Variants in USH2A observed in about 807,000 individuals in gnomAD.
The protein encoded by USH2A is usherin, also known as Usher syndrome 2A (autosomal recessive, mild).
In USH2A, 443 loss-of-function variants were observed where a neutral mutation model predicts 538.9. The ratio of observed to expected loss-of-function variants is 0.82; its 90% confidence interval spans 0.76 to 0.89. The LOEUF (loss-of-function observed/expected upper bound fraction) is 0.89. USH2A is among the 40% of genes least tolerant of loss of function. The probability of loss-of-function intolerance (pLI) is 0.00; values close to 1 mark genes in which losing one functional copy is unlikely to be tolerated. For missense variants in USH2A, 6,633 were observed against 6,324.8 expected (o/e 1.05, Z -1.65); for synonymous variants, 2,413 against 2,273.5 (o/e 1.06, Z -1.75).
intron 47 of USH2A, among the ~76,000 whole-genome samples, chr1:215,821,873 A>G (rs901767273): frequency 6.6e-6 from 1 of 151,810 alleles, no homozygotes; most frequent in African/African-American, 2.4e-5. Context: ...GCCATTTATT[A>G]AAAAGACTGT....
At chr1:216,216,991 C>CA (rs879754872) in intron 15 of USH2A, among the ~76,000 whole-genome samples, 90 of 150,004 alleles carry the variant, frequency 6.0e-4, no homozygotes, top group African/African-American at 1.7e-3. Context: ...CTTTATTTGT[C>CA]AAAAAAAAAT....
At chr1:215,965,034 G>GACT (rs1394622729) in intron 37 of USH2A, among the ~76,000 whole-genome samples, 1 of 152,112 alleles carries the variant, frequency 6.6e-6, no homozygotes, top group Non-Finnish European at 1.5e-5. Flanking sequence ...CTTAAACACA[G>GACT]ACTGTTAGAC....
Position 215,867,129 on chromosome 1 carries a change from A to G in USH2A, c.8723T>C (p.Val2908Ala), listed in dbSNP as rs746959686. 1 of 1,614,152 alleles carries G rather than the reference A, an allele frequency of 6.2e-7. No individual in the cohort carries two copies. The highest frequency in any genetic ancestry group is 8.5e-7 in the Non-Finnish European group (1 of 1,180,002). Residue 2908 changes from valine to alanine, a missense_variant, in exon 44 of 72, where the codon GTG becomes GCG. Physicochemically the swap from Val to Ala is moderately conservative, Grantham distance 64. Transcript: ENST00000307340. ...CACTTCTCGGCTCGGTGTAAAACCCACACTGTTGTGTACGAAGAGCATATA... is the reference window on the plus strand; with the variant it reads ...CACTTCTCGGCTCGGTGTAAAACCCGCACTGTTGTGTACGAAGAGCATATA... Reference protein sequence around the residue: ...YEYMLFVHNSVGFTPSREVTV... With the variant: ...YEYMLFVHNSAGFTPSREVTV...
Position 216,422,172 on chromosome 1 carries a change from T to C in USH2A, c.165A>G (p.Gln55=). The change falls in exon 2 of 72, where the codon CAA becomes CAG. Residue 55 remains glutamine, a synonymous_variant. Transcript: ENST00000307340. ...TTCGGTCTGGGAGTCCACATACTGC[T>C]TGGGTTGGCACGATGGAAACTTTCT... The part of the protein sequence containing the change: ...AFKKVSIVPT[Q]AVCGLPDRST... The C allele has an allele frequency of 1.2e-6, 2 of 1,613,550 alleles. No individual in the cohort carries two copies. Among genetic ancestry groups the C allele is most frequent in the Non-Finnish European group, 1.7e-6 (2 of 1,179,714 alleles).
Position 215,674,982 on chromosome 1 carries a change from C to A in USH2A, c.12929G>T (p.Ser4310Ile). ...LQRNEMLYPF[S>I]FDPVTFNYTD... ...GTAATTGAAAGTCACAGGATCAAAG[C>A]TAAAAGGATAGAGCATTTCATTCCT... Residue 4310 changes from serine (S) to isoleucine (I), a missense_variant, in exon 63 of 72, where the codon AGC (serine) becomes ATC (isoleucine). Transcript: ENST00000307340. 1.2e-6 allele frequency: 2 copies of A among 1,614,154 alleles called. No individual in the cohort carries two copies. Among genetic ancestry groups the A allele is most frequent in the Admixed American group, 3.3e-5 (2 of 60,028 alleles).
chr1:215,835,236 C>A (rs950419533), intron 47 of USH2A, among the ~76,000 whole-genome samples: 1 of 143,124 alleles, frequency 7.0e-6, no homozygotes. Context: ...GATTGGCATA[C>A]TTCCCTACTG....
chr1:216,377,847 GAAA>G (rs2038859235), intron 3 of USH2A, among the ~76,000 whole-genome samples: 2 of 132,504 alleles, frequency 1.5e-5, no homozygotes, highest in African/African-American at 5.6e-5. Context: ...AAGAAAGAAA[GAAA>G]GAAAGAAAGA....
intron 37 of USH2A, among the ~76,000 whole-genome samples, chr1:215,957,099 A>G (rs78343687): frequency 0.012 from 1,866 of 152,312 alleles, 16 homozygotes; most frequent in Non-Finnish European, 0.021. Context: ...AAACTTACAG[A>G]AAGATATAAT....
chr1:216,423,166 A>T (rs1377941432), intron 1 of USH2A, 48 bp downstream of exon 1: 1 of 152,162 alleles, frequency 6.6e-6, no homozygotes, highest in Non-Finnish European at 1.5e-5. Context: ...TTACACATGG[A>T]TCCCTAATAC....
At chr1:215,690,078 G>T (rs773855286) in intron 61 of USH2A, among the ~76,000 whole-genome samples, 1 of 152,194 alleles carries the variant, frequency 6.6e-6, no homozygotes, top group Non-Finnish European at 1.5e-5. Flanking sequence ...GTTGAAGTTA[G>T]ATGTGAAGAT....
intron 64 of USH2A, among the ~76,000 whole-genome samples, chr1:215,669,751 G>T (rs187964450): frequency 1.3e-5 from 2 of 152,056 alleles, no homozygotes; most frequent in Admixed American, 6.6e-5. Flanking sequence ...AACCATTCGA[G>T]AATTTATTTA....
At chr1:216,312,595 T>C (rs529692916) in intron 9 of USH2A, among the ~76,000 whole-genome samples, 2 of 152,344 alleles carry the variant, frequency 1.3e-5, no homozygotes, top group Admixed American at 1.3e-4. Context: ...AGGCATTCTT[T>C]ATTTCTATGA....
At chr1:216,238,712 G>C (rs977756201) in intron 13 of USH2A, among the ~76,000 whole-genome samples, 3 of 152,134 alleles carry the variant, frequency 2.0e-5, no homozygotes, top group Non-Finnish European at 4.4e-5. Context: ...AATACATGAG[G>C]TTTCATTACA....
At chr1:215,952,716 G>A (rs146650994) in intron 37 of USH2A, among the ~76,000 whole-genome samples, 4,884 of 152,220 alleles carry the variant, frequency 0.032, 124 homozygotes, top group South Asian at 0.084. Flanking sequence ...CCCCCACTCT[G>A]TTCTGGCTTG....
intron 61 of USH2A, among the ~76,000 whole-genome samples, chr1:215,712,876 G>A (rs1011520321): frequency 2.0e-5 from 3 of 149,788 alleles, no homozygotes; most frequent in African/African-American, 7.4e-5. Context: ...GCAGATCTCG[G>A]CTCACTGCAA....
At chr1:216,396,864 A>G (rs1280568836) in intron 3 of USH2A, among the ~76,000 whole-genome samples, 1 of 152,344 alleles carries the variant, frequency 6.6e-6, no homozygotes, top group Middle Eastern at 3.4e-3. Flanking sequence ...ATGTAAAAAA[A>G]GTACAAATTG....
At chr1:216,274,822 C>T (rs2036640800) in intron 11 of USH2A, among the ~76,000 whole-genome samples, 1 of 152,056 alleles carries the variant, frequency 6.6e-6, no homozygotes. Flanking sequence ...ATTTGTCAGG[C>T]TGGTATATTT....
chr1:216,203,779 A>C (rs2035050583), intron 16 of USH2A, among the ~76,000 whole-genome samples: 1 of 152,222 alleles, frequency 6.6e-6, no homozygotes, highest in Non-Finnish European at 1.5e-5. Context: ...TTGGTTGTCT[A>C]AAATTCTAAG....
At chr1:215,832,443 T>G (rs2102810478) in intron 47 of USH2A, among the ~76,000 whole-genome samples, 1 of 152,058 alleles carries the variant, frequency 6.6e-6, no homozygotes, top group African/African-American at 2.4e-5. Flanking sequence ...CACAACGAAG[T>G]TCTGGTTATC....
Sources: allele counts gnomAD v4.1 joint callset (sites outside exome capture counted in the v4.1 genomes callset), GRCh38; gene constraint gnomAD v4.1.1; transcripts MANE v1.5; gene names NCBI Gene and HGNC (gene_info 2026-07-23, HGNC 2026-07-21).